CROCC2: variants seen among roughly 807,000 people sequenced by gnomAD.
CROCC2 encodes ciliary rootlet coiled-coil, rootletin family member 2.
Under a neutral mutation model 177.6 loss-of-function variants are expected in CROCC2, and 163 were observed. That is an observed-to-expected ratio of 0.92 (90% CI 0.81 to 1.05). The LOEUF is 1.05. CROCC2 is among the 50% of genes least tolerant of loss of function. The pLI is 0.00. For synonymous variants in CROCC2, 904 were observed against 787.3 expected (o/e 1.15, Z -2.48); for missense variants, 1,929 against 1,797.8 (o/e 1.07, Z -1.32).
intron 27 of CROCC2, among the ~76,000 whole-genome samples, chr2:240,968,568 G>A (rs751371585): frequency 6.6e-5 from 10 of 152,270 alleles, no homozygotes; most frequent in Middle Eastern, 3.4e-3. Context: ...GGGGCACAGC[G>A]AGTGGGGGGC....
rs763563337 is a variant in CROCC2 at position 240,964,590 on chromosome 2, G to T, written c.3430G>T (p.Asp1144Tyr). 1.3e-6 allele frequency: 2 copies of T among 1,549,524 alleles called. No individual in the cohort carries two copies. Among genetic ancestry groups the T allele is most frequent in the Non-Finnish European group, 1.7e-6 (2 of 1,146,780 alleles). Residue 1144 changes from aspartate (D) to tyrosine (Y), a missense_variant, in exon 22 of 32, where the codon GAC becomes TAC. Asp to Tyr is a radical substitution (Grantham distance 160, BLOSUM62 -3). Around this residue, in one of 3 missense-constraint regions of CROCC2, gnomAD observed 1,397 missense variants for 1,239.9 expected, o/e 1.13. Coordinates refer to ENST00000690015, the MANE Select transcript of CROCC2 (RefSeq NM_001351305.2). The stretch of plus-strand genomic sequence containing the variant: ...GTGGGAGCTGGAGCAGGCAGGGGGG[G>T]ACGCCCGTCAGGAGCTCCGGGAACT... Reference protein sequence around the residue: ...HLWELEQAGGDARQELRELHR... With the variant: ...HLWELEQAGGYARQELRELHR...
Position 240,955,973 on chromosome 2 carries a change from G to C in CROCC2, c.2943+1G>C. 1 of 1,533,748 alleles carries C rather than the reference G, an allele frequency of 6.5e-7. No individual in the cohort carries two copies. The highest frequency in any genetic ancestry group is 2.0e-5 in the Admixed American group (1 of 51,008). On this transcript the variant is annotated splice_donor_variant, in intron 19 of 31. Coordinates refer to ENST00000690015, the MANE Select transcript of CROCC2 (RefSeq NM_001351305.2). LOFTEE classifies it high-confidence loss of function. ...ACAGAGCCAGCAGGAGCAAGCGCAG[G>C]TGAGCCCCATGCAGCCAGGCCACGT...
Position 240,983,046 on chromosome 2 carries a change from G to T in CROCC2, c.4551+17G>T, listed in dbSNP as rs995669341. 1.5e-5 allele frequency: 23 copies of T among 1,548,556 alleles called. No individual in the cohort carries two copies. Among genetic ancestry groups the T allele is most frequent in the African/African-American group, 1.4e-4 (10 of 73,024 alleles). On this transcript the variant is annotated intron_variant, in intron 28 of 31. Coordinates refer to ENST00000690015, the MANE Select transcript of CROCC2 (RefSeq NM_001351305.2). Reference sequence around the variant, plus strand: ...CTGCGACAGGTGAGGGTGACCAGGAGGGCAGGGTACGCTGTCACCAGGAGG... The same window carrying T: ...CTGCGACAGGTGAGGGTGACCAGGATGGCAGGGTACGCTGTCACCAGGAGG...
chr2:240,968,165 G>A lies in CROCC2; in HGVS notation c.4304G>A (p.Arg1435Gln), dbSNP rs556159465. ...GTGGAGGGCGCGCTGAGCAGCGCCC[G>A]GGCAGCACGTGCCCTGCAGAAGGAG... is the stretch of plus-strand genomic sequence containing the variant. ...RRVEGALSSARAARALQKEAL... is the reference protein window; with the variant it reads ...RRVEGALSSAQAARALQKEAL... Residue 1435 changes from arginine (R) to glutamine (Q), a missense_variant, in exon 27 of 32, where the codon CGG becomes CAG. Arg to Gln is a conservative substitution (Grantham distance 43). Around this residue, in one of 3 missense-constraint regions of CROCC2, gnomAD observed 388 missense variants for 352.7 expected, o/e 1.10. Coordinates refer to ENST00000690015, the MANE Select transcript of CROCC2 (RefSeq NM_001351305.2). The A allele has an allele frequency of 7.8e-3, 11,846 of 1,526,834 alleles. 54 individuals carry two copies. Among genetic ancestry groups the A allele is most frequent in the Non-Finnish European group, 9.7e-3 (11,115 of 1,141,166 alleles). 94.6% of individuals were successfully genotyped at this position (1,526,834 alleles called of 1,614,324 possible).
intron 30 of CROCC2, 45 bp downstream of exon 30, chr2:240,989,878 A>C (rs1321389061): frequency 3.4e-6 from 5 of 1,490,918 alleles, no homozygotes; most frequent in Non-Finnish European, 4.5e-6. Context: ...AGAGGCAGGG[A>C]CAGAGGACTG....
At position 240,949,471 on chromosome 2, in the gene CROCC2, G is replaced by C; in HGVS notation, c.2483-62G>C. 6.6e-7 allele frequency: 1 copy of C among 1,521,610 alleles called. No homozygotes were observed. The highest frequency in any genetic ancestry group is 8.9e-7 in the Non-Finnish European group (1 of 1,125,324). 94.3% of individuals were successfully genotyped at this position (1,521,610 alleles called of 1,614,324 possible). A position where few individuals can be genotyped will look rare whatever the true frequency, so the allele number is the denominator to read the frequency against. On this transcript the variant is annotated intron_variant, in intron 16 of 31. Transcript: ENST00000690015. The surrounding 1 kb of genome is among the most constrained non-coding windows in gnomAD (Gnocchi z 4.5). ...CCCCAAGACTGTCACTCCCTAGGAA[G>C]TCCCAAAGGGTTCAGGGGTCCACAT...
chr2:240,918,465 C>T lies in CROCC2; in HGVS notation c.79-261C>T, dbSNP rs2059333965. Among the ~76,000 whole-genome samples the T allele has an allele frequency of 6.6e-6, 1 of 152,228 alleles. No homozygotes were observed. Among genetic ancestry groups the T allele is most frequent in the Non-Finnish European group, 1.5e-5 (1 of 68,046 alleles). On this transcript the variant is annotated intron_variant, in intron 1 of 31. Transcript: ENST00000690015. This position sits in a 1 kb window ranked among gnomAD's most constrained non-coding sequence, Gnocchi z 6.3. ...GCCCCCACCAAGACAGGGCAGAGCC[C>T]CAAGCGCAGTACCTGCTCCTGCTGA...
At chr2:240,975,213 G>A (rs1439806464) in intron 27 of CROCC2, among the ~76,000 whole-genome samples, 1 of 152,258 alleles carries the variant, frequency 6.6e-6, no homozygotes, top group African/African-American at 2.4e-5. Context: ...AAGCAGGAGA[G>A]GCTGGTAGAA....
Position 240,955,911 on chromosome 2 carries a change from G to A in CROCC2, c.2882G>A (p.Arg961Lys), listed in dbSNP as rs530790574. 1 of 1,534,998 alleles carries A rather than the reference G, an allele frequency of 6.5e-7. No homozygotes were observed. Among genetic ancestry groups the A allele is most frequent in the African/African-American group, 1.4e-5 (1 of 73,136 alleles). The change falls in exon 19 of 32, where the codon AGG becomes AAG. Residue 961 changes from arginine to lysine, a missense_variant. This residue lies in a region of CROCC2 where 1,397 missense variants were observed against 1,239.9 expected (regional missense o/e 1.13). Coordinates refer to ENST00000690015, the MANE Select transcript of CROCC2 (RefSeq NM_001351305.2). ...AGCCTTCTGAGTGAGGAGCTCTCCA[G>A]GGCCAGGAGGACGCTAGAGCGGGTA... ...ERSLLSEELS[R>K]ARRTLERVQQ...
rs535863976 is a variant in CROCC2 at position 240,973,506 on chromosome 2, G to T, written c.4401+5244G>T. Among the ~76,000 whole-genome samples, 231 of 152,214 alleles carry T rather than the reference G, an allele frequency of 1.5e-3. 1 individual carries two copies. The highest frequency in any genetic ancestry group is 2.4e-3 in the Non-Finnish European group (161 of 68,004). On this transcript the variant is annotated intron_variant, in intron 27 of 31. Coordinates refer to ENST00000690015, the MANE Select transcript of CROCC2 (RefSeq NM_001351305.2). This position sits in a 1 kb window ranked among gnomAD's most constrained non-coding sequence, Gnocchi z 4.7. ...AAGCTCACGGCGTTCTTGGACTCTT[G>T]CCCAGGCCTCCTTCCCCCACTGTGC...
At position 240,986,532 on chromosome 2, in the gene CROCC2, G is replaced by A. The variant is rs867594121; in HGVS notation, c.4552-2207G>A. On this transcript the variant is annotated intron_variant, in intron 28 of 31. Transcript: ENST00000690015. ...AGGCCTGGAAAGCCGAGCCGGTGTT[G>A]CCGGCTCCACGACCCATCCACAAGC... Among the ~76,000 whole-genome samples the A allele has an allele frequency of 1.4e-4, 22 of 152,354 alleles. No homozygotes were observed. The Middle Eastern group carries it at 0.024, about 165-fold the overall frequency.
At position 240,989,747 on chromosome 2, in the gene CROCC2, C is replaced by T. The variant is rs948323487; in HGVS notation, c.4777C>T (p.Leu1593Phe). 5.2e-6 allele frequency: 8 copies of T among 1,550,272 alleles called. No individual in the cohort carries two copies. In the Admixed American group the frequency reaches 1.6e-4, roughly 30 times the overall value. The change falls in exon 30 of 32, where the codon CTC becomes TTC. Residue 1593 changes from leucine (L) to phenylalanine (F), a missense_variant. Leu to Phe is a conservative substitution (Grantham distance 22). Coordinates refer to ENST00000690015, the MANE Select transcript of CROCC2 (RefSeq NM_001351305.2). ...GGACCTGGCCACAGAGGCAGAGCGT[C>T]TCCATGGGGCCCGGCCGCAGGCCAC... ...QRDLATEAER[L>F]HGARPQATQA...
chr2:240,953,911 G>A lies in CROCC2; in HGVS notation c.2830-1948G>A, dbSNP rs750320732. Among the ~76,000 whole-genome samples, 3 of 152,222 alleles carry A rather than the reference G, an allele frequency of 2.0e-5. No homozygotes were observed. Among genetic ancestry groups the A allele is most frequent in the Middle Eastern group, 3.4e-3 (1 of 294 alleles). ...AAGTGAAGCTCTCACCCGAGAGAAC[G>A]ACACGCTTCTATATTTGATGAAGTT... On this transcript the variant is annotated intron_variant, in intron 18 of 31. Coordinates refer to ENST00000690015, the MANE Select transcript of CROCC2 (RefSeq NM_001351305.2). The surrounding 1 kb of genome is among the most constrained non-coding windows in gnomAD (Gnocchi z 4.0).
intron 9 of CROCC2, 73 bp from the exon 10 acceptor site, chr2:240,933,058 C>T (rs2059444851): frequency 6.5e-7 from 1 of 1,534,834 alleles, no homozygotes; most frequent in Non-Finnish European, 8.8e-7. Flanking sequence ...TGGGGAGTCG[C>T]AAGCCCTGGT....
chr2:240,950,290 C>G (rs1346877651), intron 17 of CROCC2, 44 bp from the exon 18 acceptor site: 1 of 1,527,980 alleles, frequency 6.5e-7, no homozygotes, highest in South Asian at 1.2e-5. Context: ...AACTGCTGGC[C>G]TCACCTGCCG....
chr2:240,949,762 G>T lies in CROCC2; in HGVS notation c.2652+60G>T. The T allele has an allele frequency of 6.8e-7, 1 of 1,474,466 alleles. No individual in the cohort carries two copies. The allele number at this position is 1,474,466 out of a possible 1,614,324, so 91.3% of individuals were successfully genotyped here. Reference sequence around the variant, plus strand: ...GAAGGCTACCAGGTCCCGGGGAATGGCAGGCCCTTGGGAGGAGGGGGCCCT... The same window carrying T: ...GAAGGCTACCAGGTCCCGGGGAATGTCAGGCCCTTGGGAGGAGGGGGCCCT... On this transcript the variant is annotated intron_variant, in intron 17 of 31. Transcript: ENST00000690015. The surrounding 1 kb of genome is among the most constrained non-coding windows in gnomAD (Gnocchi z 4.5).
At chr2:240,925,570 G>C (rs993295038) in intron 4 of CROCC2, among the ~76,000 whole-genome samples, 154 bp from the exon 5 acceptor site, 7 of 152,178 alleles carry the variant, frequency 4.6e-5, no homozygotes. Context: ...GCCCATGGCA[G>C]GTGGGGGCAG....
chr2:240,959,613 G>A, intron 20 of CROCC2, 169 bp downstream of exon 20: 1 of 841,760 alleles, frequency 1.2e-6, no homozygotes. Flanking sequence ...ATAGGGGCAT[G>A]GGACAAGGGG....
chr2:240,987,002 G>A (rs764976206), intron 28 of CROCC2, among the ~76,000 whole-genome samples: 86 of 152,214 alleles, frequency 5.6e-4, no homozygotes, highest in Non-Finnish European at 1.1e-3. Context: ...GGACAGTCAC[G>A]AAAGCCACCA....
Sources: gnomAD v4.1 joint callset for allele counts (sites outside exome capture counted in the v4.1 genomes callset) on GRCh38, gnomAD v4.1.1 for gene constraint, gnomAD v4.1.1 regional missense constraint, Gnocchi (gnomAD v3.1) non-coding constraint, MANE v1.5 for transcripts, NCBI Gene and HGNC (gene_info 2026-07-23, HGNC 2026-07-21) for gene names.